The following SEC11A variants were observed in gnomAD, a reference collection of about 807,000 sequenced individuals.
SEC11A encodes SEC11 homolog A, signal peptidase complex subunit.
Under a neutral mutation model 25.6 loss-of-function variants are expected in SEC11A, and 14 were observed. That is an observed-to-expected ratio of 0.55 (90% CI 0.36 to 0.85). The LOEUF (loss-of-function observed/expected upper bound fraction) is 0.85, where lower values mean the gene tolerates loss of function less well. SEC11A is among the 40% of genes least tolerant of loss of function. The pLI, the probability that SEC11A is intolerant of heterozygous loss-of-function variation, is 0.01. For synonymous variants in SEC11A, 83 were observed against 76.4 expected (o/e 1.09, Z -0.45); for missense variants, 153 against 222.9 (o/e 0.69, Z 2.00).
intron 3 of SEC11A, 40 bp downstream of exon 3, chr15:84,687,585 A>G: frequency 6.7e-7 from 1 of 1,498,756 alleles, no homozygotes; most frequent in Non-Finnish European, 8.8e-7. Flanking sequence ...ACACTTAAAC[A>G]AAAGCACTTA....
chr15:84,688,142 A>G (rs757805147), intron 2 of SEC11A, among the ~76,000 whole-genome samples: 2 of 152,222 alleles, frequency 1.3e-5, no homozygotes, highest in Non-Finnish European at 2.9e-5. Context: ...CTTCATCTGA[A>G]AACACTAAAC....
At chr15:84,702,242 C>T (rs1322339309) in intron 1 of SEC11A, among the ~76,000 whole-genome samples, 1 of 151,190 alleles carries the variant, frequency 6.6e-6, no homozygotes, top group Non-Finnish European at 1.5e-5. Context: ...AGGCGGATCA[C>T]CTGAGATCAG....
intron 1 of SEC11A, among the ~76,000 whole-genome samples, chr15:84,713,809 C>G (rs888595012): frequency 6.6e-5 from 10 of 152,112 alleles, no homozygotes; most frequent in African/African-American, 2.2e-4. Context: ...TATTGGAATG[C>G]TAACCAACCC....
At chr15:84,708,602 CA>C (rs901495483) in intron 1 of SEC11A, among the ~76,000 whole-genome samples, 1 of 151,722 alleles carries the variant, frequency 6.6e-6, no homozygotes, top group African/African-American at 2.4e-5. Flanking sequence ...CTCAACTCTA[CA>C]AAAAATACAA....
At chr15:84,692,835 T>C (rs1897649205) in intron 1 of SEC11A, among the ~76,000 whole-genome samples, 1 of 152,118 alleles carries the variant, frequency 6.6e-6, no homozygotes, top group African/African-American at 2.4e-5. Context: ...TAACAAAATA[T>C]TAGTAATATA....
chr15:84,701,414 G>A (rs955056258), intron 1 of SEC11A, among the ~76,000 whole-genome samples: 3 of 151,636 alleles, frequency 2.0e-5, no homozygotes, highest in Non-Finnish European at 2.9e-5. Context: ...CCACCTCCCG[G>A]GTTCAAGCAA....
intron 1 of SEC11A, among the ~76,000 whole-genome samples, chr15:84,715,350 G>C (rs1898427060): frequency 6.6e-6 from 1 of 152,200 alleles, no homozygotes; most frequent in Non-Finnish European, 1.5e-5. Flanking sequence ...CGATCTAGAA[G>C]ATCAAAGTAA....
At chr15:84,670,946 GA>G (rs947373550) in intron 4 of SEC11A, 164 bp from the exon 5 acceptor site, 10 of 432,772 alleles carry the variant, frequency 2.3e-5, no homozygotes, top group Non-Finnish European at 3.8e-5. Context: ...CAAGTGATAG[GA>G]AAGTTAGGAA....
chr15:84,707,181 C>CTTTTT (rs35694643), intron 1 of SEC11A, among the ~76,000 whole-genome samples: 20 of 91,650 alleles, frequency 2.2e-4, no homozygotes, highest in Non-Finnish European at 2.6e-4. Context: ...TTGTGTGAGA[C>CTTTTT]TTTTTTTTTT....
intron 2 of SEC11A, among the ~76,000 whole-genome samples, chr15:84,690,476 G>A (rs868830184): frequency 6.6e-6 from 1 of 152,082 alleles, no homozygotes; most frequent in Non-Finnish European, 1.5e-5. Flanking sequence ...AATTAACCAG[G>A]CATGGTGGGG....
At chr15:84,680,158 G>A (rs539008879) in intron 4 of SEC11A, among the ~76,000 whole-genome samples, 10 of 151,628 alleles carry the variant, frequency 6.6e-5, no homozygotes, top group South Asian at 2.1e-4. Flanking sequence ...AAAATTAGCC[G>A]GGCATGGTGG....
rs761230960 is a variant in SEC11A at position 84,716,007 on chromosome 15, G to T, written c.51+18C>A. 1.2e-6 allele frequency: 2 copies of T among 1,612,794 alleles called. No homozygotes were observed. The highest frequency in any genetic ancestry group is 1.7e-6 in the Non-Finnish European group (2 of 1,179,206). ...GGGACAAGAAGAGCCAGGAGAAAAA[G>T]AGGACGGACAAGCTCACCTGCCGCT... is the stretch of plus-strand genomic sequence containing the variant. On this transcript the variant is annotated intron_variant, in intron 1 of 5. Transcript: ENST00000268220.
chr15:84,711,982 T>C (rs1898285696), intron 1 of SEC11A, among the ~76,000 whole-genome samples: 1 of 152,150 alleles, frequency 6.6e-6, no homozygotes, highest in Admixed American at 6.6e-5. Context: ...GGCTCACATC[T>C]GTAATTCCAG....
At position 84,691,537 on chromosome 15, in the gene SEC11A, G is replaced by A; in HGVS notation, c.159C>T (p.Leu53=). ...GCCTTGAAAGGAAAAACTGTTACCT[G>A]AGCACCACTACAATCGGACTTTCAC... The part of the protein sequence containing the change: ...TGSESPIVVV[L]SGSMEPAFHR... The change falls in exon 2 of 6, where the codon CTC becomes CTT. Residue 53 remains leucine (L), a splice_region_variant and synonymous_variant. Coordinates refer to ENST00000268220, the MANE Select transcript of SEC11A (RefSeq NM_014300.4). 6.3e-7 allele frequency: 1 copy of A among 1,579,488 alleles called. No individual in the cohort carries two copies. Among genetic ancestry groups the A allele is most frequent in the Non-Finnish European group, 8.7e-7 (1 of 1,150,470 alleles).
rs577305352 is a variant in SEC11A at position 84,716,111 on chromosome 15, G to C, written c.-36C>G. On this transcript the variant is annotated 5_prime_UTR_variant, in exon 1 of 6. Coordinates refer to ENST00000268220, the MANE Select transcript of SEC11A (RefSeq NM_014300.4). ...GCGAGCAGGACACCGGCAGGGGAAA[G>C]GGCGCGATGACCAGCGGGCGGAACT... is the stretch of plus-strand genomic sequence containing the variant. 3 of 1,607,314 alleles carry C rather than the reference G, an allele frequency of 1.9e-6. No homozygotes were observed. Among genetic ancestry groups the C allele is most frequent in the East Asian group, 2.2e-5 (1 of 44,824 alleles).
intron 3 of SEC11A, among the ~76,000 whole-genome samples, chr15:84,681,700 G>A (rs999169219): frequency 1.4e-4 from 21 of 152,104 alleles, no homozygotes; most frequent in Non-Finnish European, 2.9e-4. Flanking sequence ...AACTTTATCT[G>A]GGTCCAGATT....
At chr15:84,701,165 GAAA>G (rs34721959) in intron 1 of SEC11A, among the ~76,000 whole-genome samples, 1 of 118,352 alleles carries the variant, frequency 8.4e-6, no homozygotes, top group Non-Finnish European at 1.7e-5. Flanking sequence ...AAGCAAATAG[GAAA>G]AAAAAAAAAA....
At chr15:84,712,756 T>C (rs1460587680) in intron 1 of SEC11A, among the ~76,000 whole-genome samples, 1 of 152,058 alleles carries the variant, frequency 6.6e-6, no homozygotes, top group African/African-American at 2.4e-5. Context: ...TAAAAACTGA[T>C]TAAAACTCCA....
chr15:84,680,935 T>C, intron 3 of SEC11A, 103 bp from the exon 4 acceptor site: 1 of 946,034 alleles, frequency 1.1e-6, no homozygotes, highest in Non-Finnish European at 1.6e-6. Flanking sequence ...CTGGGGTATC[T>C]TTTCACCATT....
Sources: allele counts gnomAD v4.1 joint callset (sites outside exome capture counted in the v4.1 genomes callset), GRCh38; gene constraint gnomAD v4.1.1; transcripts MANE v1.5; gene names NCBI Gene and HGNC (gene_info 2026-07-23, HGNC 2026-07-21).